The following DPH5 variants were observed in gnomAD, a reference collection of about 807,000 sequenced individuals.
The protein encoded by DPH5 is diphthine methyl ester synthase.
Under a neutral mutation model 31.6 loss-of-function variants are expected in DPH5, and 31 were observed. The observed-to-expected ratio is 0.98, with a 90% CI of 0.74 to 1.32. DPH5 has a LOEUF of 1.32. DPH5 is among the 40% of genes most tolerant of loss of function. The pLI is 0.00. For missense variants in DPH5, 309 were observed against 335.7 expected (o/e 0.92, Z 0.62); for synonymous variants, 120 against 115.0 (o/e 1.04, Z -0.28).
chr1:101,016,563 A>G (rs1660091232), intron 3 of DPH5, among the ~76,000 whole-genome samples: 1 of 149,536 alleles, frequency 6.7e-6, no homozygotes, highest in African/African-American at 2.5e-5. Flanking sequence ...TCCCTCCCTC[A>G]GCCTCTCGGG....
At chr1:101,011,868 TTTTC>T (rs1454622332) in intron 4 of DPH5, among the ~76,000 whole-genome samples, 2 of 151,992 alleles carry the variant, frequency 1.3e-5, no homozygotes, top group South Asian at 2.1e-4. Context: ...TCTCTCCTTT[TTTTC>T]TTTCTTCTAG....
At chr1:100,991,465 C>T (rs1188734) in intron 7 of DPH5, among the ~76,000 whole-genome samples, 143,698 of 152,250 alleles carry the variant, frequency 0.94, 68,365 homozygotes, top group East Asian at 1. Context: ...CATGGCCTAC[C>T]AATGAGAATA....
chr1:101,001,792 A>T (rs952380431), intron 4 of DPH5, among the ~76,000 whole-genome samples: 5 of 152,162 alleles, frequency 3.3e-5, no homozygotes, highest in Admixed American at 6.5e-5. Context: ...GTAGTAAGTA[A>T]GTTTCAGTAA....
In DPH5 at chr1:100,990,359, A is replaced by C; in HGVS notation, c.*49T>G. 1 of 1,541,458 alleles carries C rather than the reference A, an allele frequency of 6.5e-7. No individual in the cohort carries two copies. The highest frequency in any genetic ancestry group is 9.0e-7 in the Non-Finnish European group (1 of 1,116,566). ...GGTGGGGATACATCCAAACCATATC[A>C]ATCCATATATGGCTGAAATTTACAT... On this transcript the variant is annotated 3_prime_UTR_variant, in exon 8 of 8. Transcript: ENST00000370109.
intron 4 of DPH5, among the ~76,000 whole-genome samples, chr1:101,003,912 CTG>C (rs1659046034): frequency 6.6e-6 from 1 of 151,964 alleles, no homozygotes; most frequent in Non-Finnish European, 1.5e-5. Context: ...CAAGGTAAAA[CTG>C]TTAAAAAAAT....
chr1:101,003,881 T>C (rs1659043409), intron 4 of DPH5, among the ~76,000 whole-genome samples: 1 of 152,186 alleles, frequency 6.6e-6, no homozygotes, highest in African/African-American at 2.4e-5. Flanking sequence ...GAAATATTAG[T>C]ATTATTCCAT....
intron 6 of DPH5, among the ~76,000 whole-genome samples, chr1:100,994,083 T>A (rs887402464): frequency 6.6e-6 from 1 of 152,134 alleles, no homozygotes; most frequent in Non-Finnish European, 1.5e-5. Flanking sequence ...ATCCAAAATG[T>A]TGTAATTTAA....
chr1:100,992,816 C>G, intron 6 of DPH5, 76 bp from the exon 7 acceptor site: 2 of 977,184 alleles, frequency 2.0e-6, no homozygotes, highest in East Asian at 2.4e-5. Flanking sequence ...ATTAGCTCTC[C>G]CAGGTATACT....
intron 3 of DPH5, among the ~76,000 whole-genome samples, chr1:101,015,644 C>T (rs1027918383): frequency 2.0e-5 from 3 of 152,212 alleles, no homozygotes; most frequent in Non-Finnish European, 2.9e-5. Flanking sequence ...CCGGCATTCA[C>T]TTCTCCTCTC....
Position 101,025,700 on chromosome 1 carries a change from G to A in DPH5, c.-41C>T. ...CCAATTACCCGCTGAGAGAATCGTA[G>A]GTAGTTCTCTGGCCTTTACAAATTC... On this transcript the variant is annotated 5_prime_UTR_variant, in exon 1 of 8. Coordinates refer to ENST00000370109, the MANE Select transcript of DPH5 (RefSeq NM_015958.3). The A allele has an allele frequency of 2.0e-6, 1 of 501,490 alleles. No individual in the cohort carries two copies. The allele number at this position is 501,490 out of a possible 1,614,324, so 31.1% of individuals were successfully genotyped here. A position where few individuals can be genotyped will look rare whatever the true frequency, so the allele number is the denominator to read the frequency against.
chr1:101,011,799 T>C (rs1354459914), intron 4 of DPH5: 1 of 152,070 alleles, frequency 6.6e-6, no homozygotes, highest in African/African-American at 2.4e-5. Context: ...TGAAATATGG[T>C]AAAAATGTAT....
chr1:101,021,112 C>T (rs942527756), intron 3 of DPH5, among the ~76,000 whole-genome samples: 2 of 152,020 alleles, frequency 1.3e-5, no homozygotes, highest in African/African-American at 4.8e-5. Flanking sequence ...TGCCCATCTT[C>T]GTGGTAATGA....
intron 3 of DPH5, among the ~76,000 whole-genome samples, chr1:101,015,776 A>T (rs1450673822): frequency 1.3e-5 from 2 of 152,204 alleles, no homozygotes; most frequent in Non-Finnish European, 2.9e-5. Flanking sequence ...ACTTGTTTCC[A>T]CAGCTCATAC....
chr1:100,997,047 T>C (rs555254145), intron 5 of DPH5, among the ~76,000 whole-genome samples: 1 of 152,342 alleles, frequency 6.6e-6, no homozygotes, highest in South Asian at 2.1e-4. Flanking sequence ...TTAACCTTGT[T>C]TGTCTTTTCC....
rs189659071 is a variant in DPH5 at position 101,002,947 on chromosome 1, A to G, written c.370-1360T>C. Among the ~76,000 whole-genome samples the G allele has an allele frequency of 1.1e-4, 16 of 152,294 alleles. No individual in the cohort carries two copies. The East Asian group carries it at 2.9e-3, about 28-fold the overall frequency. On this transcript the variant is annotated intron_variant, in intron 4 of 7. Transcript: ENST00000370109. The stretch of plus-strand genomic sequence containing the variant: ...CAGTTTTTACATAATGAGGTCCTAT[A>G]AACTATAATCAACACTCATAATGGT...
At chr1:101,016,479 A>G (rs1027954091) in intron 3 of DPH5, among the ~76,000 whole-genome samples, 2 of 138,450 alleles carry the variant, frequency 1.4e-5, no homozygotes, top group Admixed American at 7.5e-5. Context: ...GAATCTCACT[A>G]TATCACCCAG....
chr1:101,007,148 CAAGTAAATATACACATACT>C (rs1659288977), intron 4 of DPH5, among the ~76,000 whole-genome samples: 1 of 152,024 alleles, frequency 6.6e-6, no homozygotes, highest in African/African-American at 2.4e-5. Context: ...CCTATAAGAT[CAAGTAAATATACACATACT>C]AAGTGTTGAA....
chr1:101,022,208 T>C (rs762591000), intron 2 of DPH5, among the ~76,000 whole-genome samples: 6 of 151,974 alleles, frequency 3.9e-5, no homozygotes, highest in South Asian at 2.1e-4. Context: ...TGGTTAAACA[T>C]ATGGCAACTC....
intron 4 of DPH5, among the ~76,000 whole-genome samples, chr1:101,007,304 T>C (rs902308193): frequency 5.9e-5 from 9 of 152,204 alleles, no homozygotes; most frequent in African/African-American, 1.9e-4. Flanking sequence ...ATAGAAATCA[T>C]TTATTATCAA....
Sources: allele counts gnomAD v4.1 joint callset (sites outside exome capture counted in the v4.1 genomes callset), GRCh38; gene constraint gnomAD v4.1.1; transcripts MANE v1.5; gene names NCBI Gene and HGNC (gene_info 2026-07-23, HGNC 2026-07-21).